Variants in SMOC1 observed in about 807,000 individuals in gnomAD.
The protein encoded by SMOC1 is SPARC-related modular calcium-binding protein 1.
In SMOC1, 22 loss-of-function variants were observed where a neutral mutation model predicts 56.3. That is an observed-to-expected ratio of 0.39 (90% confidence interval 0.28 to 0.56). The LOEUF is 0.56. SMOC1 is among the 20% of genes least tolerant of loss of function. SMOC1 has a pLI of 0.61. For missense variants in SMOC1, 509 were observed against 565.4 expected (o/e 0.90, Z 1.01); for synonymous variants, 193 against 215.0 (o/e 0.90, Z 0.89).
intron 1 of SMOC1, among the ~76,000 whole-genome samples, chr14:69,935,604 T>C (rs1340139123): frequency 6.6e-6 from 1 of 152,188 alleles, no homozygotes; most frequent in Non-Finnish European, 1.5e-5. Context: ...GAATTGCCTT[T>C]TAAAGAGACA....
In SMOC1 at chr14:70,023,239, G is replaced by A. The variant is rs745710872; in HGVS notation, c.1083G>A (p.Glu361=). Residue 361 remains glutamate, a synonymous_variant, in exon 11 of 12, where the codon GAG becomes GAA. Coordinates refer to ENST00000361956, the MANE Select transcript of SMOC1 (RefSeq NM_001034852.3). ...CAGACCCCAGCCACACCCTGGAGGA[G>A]CGGGTAGTGCACTGGTATTTCAGCC... ...SEPDPSHTLE[E]RVVHWYFSQL... 3 of 1,614,190 alleles carry A rather than the reference G, an allele frequency of 1.9e-6. No homozygotes were observed. Among genetic ancestry groups the A allele is most frequent in the South Asian group, 1.1e-5 (1 of 91,080 alleles).
At chr14:69,920,345 A>T (rs1459226752) in intron 1 of SMOC1, among the ~76,000 whole-genome samples, 1 of 152,188 alleles carries the variant, frequency 6.6e-6, no homozygotes, top group Admixed American at 6.5e-5. Context: ...TGTAGGTTTT[A>T]TGGACATGTA....
chr14:69,920,260 A>G (rs1416074102), intron 1 of SMOC1, among the ~76,000 whole-genome samples: 4 of 152,212 alleles, frequency 2.6e-5, no homozygotes, highest in Non-Finnish European at 5.9e-5. Context: ...TGACCTTGTA[A>G]GAATGAGTGA....
intron 9 of SMOC1, among the ~76,000 whole-genome samples, chr14:70,012,832 A>T (rs374878408): frequency 1.3e-5 from 2 of 152,212 alleles, no homozygotes; most frequent in Non-Finnish European, 2.9e-5. Context: ...AGGACTTGGG[A>T]GTATTTACAA....
At chr14:69,969,721 C>T (rs1270352332) in intron 3 of SMOC1, among the ~76,000 whole-genome samples, 2 of 152,172 alleles carry the variant, frequency 1.3e-5, no homozygotes, top group Non-Finnish European at 2.9e-5. Context: ...GTATCTTCCT[C>T]TTAGGGATAA....
At chr14:69,884,153 G>T (rs1358225504) in intron 1 of SMOC1, among the ~76,000 whole-genome samples, 1 of 151,810 alleles carries the variant, frequency 6.6e-6, no homozygotes, top group African/African-American at 2.4e-5. Flanking sequence ...TGATCCACCC[G>T]CCTCGGCCTC....
rs75743585 is a variant in SMOC1, at chr14:69,928,548, C to T, written c.100-23590C>T. Among the ~76,000 whole-genome samples, 904 of 152,014 alleles carry T rather than the reference C, an allele frequency of 5.9e-3. 27 individuals carry two copies. The East Asian group carries it at 0.094, about 16-fold the overall frequency. ...AGCGAGGTTCCAGCTCTGGATCTTC[C>T]TGATCCTTGGTGTGGTGTGGCTGGG... On this transcript the variant is annotated intron_variant, in intron 1 of 11. Coordinates refer to ENST00000361956, the MANE Select transcript of SMOC1 (RefSeq NM_001034852.3).
At chr14:70,005,763 C>T (rs574465227) in intron 7 of SMOC1, among the ~76,000 whole-genome samples, 4 of 152,240 alleles carry the variant, frequency 2.6e-5, no homozygotes, top group Non-Finnish European at 4.4e-5. Flanking sequence ...ATTATAGGGG[C>T]GGGCGTGTGA....
intron 7 of SMOC1, among the ~76,000 whole-genome samples, chr14:69,999,988 C>A (rs1277382794): frequency 1.3e-5 from 2 of 152,216 alleles, no homozygotes; most frequent in East Asian, 3.9e-4. Flanking sequence ...TGTTAGATAG[C>A]AAAACTACGT....
intron 1 of SMOC1, among the ~76,000 whole-genome samples, chr14:69,930,345 G>A (rs576516694): frequency 5.2e-4 from 79 of 152,166 alleles, no homozygotes; most frequent in African/African-American, 1.8e-3. Context: ...AGGTCTGTAG[G>A]GGCACTTGCG....
chr14:69,983,786 C>T (rs1884266543), intron 5 of SMOC1, among the ~76,000 whole-genome samples: 1 of 152,208 alleles, frequency 6.6e-6, no homozygotes, highest in Non-Finnish European at 1.5e-5. Flanking sequence ...CAGTGTGGCA[C>T]AGCAGCTTGC....
intron 1 of SMOC1, among the ~76,000 whole-genome samples, chr14:69,884,231 C>T (rs1883733476): frequency 6.6e-6 from 1 of 152,124 alleles, no homozygotes; most frequent in African/African-American, 2.4e-5. Flanking sequence ...TACCTATTGC[C>T]CATTTCTATG....
chr14:70,021,693 G>A (rs1048333832), intron 10 of SMOC1, among the ~76,000 whole-genome samples: 5 of 152,138 alleles, frequency 3.3e-5, no homozygotes, highest in Admixed American at 2.0e-4. Context: ...GCATCTAACA[G>A]GGATGGATGA....
At chr14:70,008,101 G>A (rs227410) in intron 7 of SMOC1, among the ~76,000 whole-genome samples, 1,824 of 151,934 alleles carry the variant, frequency 0.012, 34 homozygotes, top group African/African-American at 0.042. Flanking sequence ...CCAAATTAGT[G>A]AGCTTTATCA....
chr14:70,017,394 T>C (rs1463434722), intron 10 of SMOC1, among the ~76,000 whole-genome samples: 3 of 152,328 alleles, frequency 2.0e-5, no homozygotes, highest in East Asian at 1.9e-4. Context: ...GGAACAGGAC[T>C]GACGAAGACA....
chr14:69,891,236 A>G (rs1883950873), intron 1 of SMOC1, among the ~76,000 whole-genome samples: 2 of 152,066 alleles, frequency 1.3e-5, no homozygotes, highest in Admixed American at 6.6e-5. Flanking sequence ...GCTCAGGTTA[A>G]TTGTTAAGTA....
At chr14:69,953,288 T>G in intron 2 of SMOC1, 132 bp from the exon 3 acceptor site, 3 of 792,438 alleles carry the variant, frequency 3.8e-6, no homozygotes, top group South Asian at 1.4e-5. Context: ...CCACGGCCCT[T>G]TTAGGGTTGG....
At chr14:69,939,365 G>A (rs1882463913) in intron 1 of SMOC1, among the ~76,000 whole-genome samples, 1 of 152,164 alleles carries the variant, frequency 6.6e-6, no homozygotes, top group Non-Finnish European at 1.5e-5. Flanking sequence ...ACTATCATGA[G>A]AACAGCATGG....
chr14:69,984,621 C>T (rs1327485394), intron 5 of SMOC1, among the ~76,000 whole-genome samples: 2 of 151,092 alleles, frequency 1.3e-5, no homozygotes, highest in African/African-American at 4.9e-5. Context: ...GGTGGATGAA[C>T]CACTTGAGGC....
Sources: gnomAD v4.1 joint callset for allele counts (sites outside exome capture counted in the v4.1 genomes callset) on GRCh38, gnomAD v4.1.1 for gene constraint, MANE v1.5 for transcripts, NCBI Gene and HGNC (gene_info 2026-07-23, HGNC 2026-07-21) for gene names.